Variants in IQGAP3 observed in about 807,000 individuals in gnomAD.
IQGAP3 encodes the protein ras GTPase-activating-like protein IQGAP3.
In IQGAP3, 165 loss-of-function variants were observed where a neutral mutation model predicts 208.2. The ratio of observed to expected loss-of-function variants is 0.79; its 90% CI spans 0.70 to 0.90. The LOEUF (loss-of-function observed/expected upper bound fraction) is 0.90, where lower values mean the gene tolerates loss of function less well. Among genes scored for constraint, IQGAP3 ranks in the 40% least tolerant of loss-of-function variants. The probability of loss-of-function intolerance (pLI) is 0.00; values close to 1 mark genes in which losing one functional copy is unlikely to be tolerated. For missense variants in IQGAP3, 1,811 were observed against 2,043.1 expected (o/e 0.89, Z 2.19); for synonymous variants, 703 against 803.6 (o/e 0.87, Z 2.12).
At chr1:156,535,317 G>C (rs1347828327) in intron 27 of IQGAP3, 70 bp from the exon 28 acceptor site, 7 of 1,108,898 alleles carry the variant, frequency 6.3e-6, no homozygotes, top group African/African-American at 1.6e-5. Flanking sequence ...ATAAGAGCTT[G>C]AGTGCCTGGC....
At chr1:156,536,421 G>C (rs1674686686) in intron 27 of IQGAP3, among the ~76,000 whole-genome samples, 1 of 152,124 alleles carries the variant, frequency 6.6e-6, no homozygotes, top group African/African-American at 2.4e-5. Context: ...ATCTTAAAAA[G>C]GTGATTTCAC....
At position 156,569,269 on chromosome 1, in the gene IQGAP3, CACA is replaced by C. The variant is rs1248766184; in HGVS notation, c.125+104_125+106del. 1.3e-5 allele frequency: 9 copies of C among 688,118 alleles called. No homozygotes were observed. The Admixed American group carries it at 2.5e-4, about 19-fold the overall frequency. The allele number at this position is 688,118 out of a possible 1,614,324, so 42.6% of individuals were successfully genotyped here. A position where few individuals can be genotyped will look rare whatever the true frequency, so the allele number is the denominator to read the frequency against. Reference sequence around the variant, plus strand: ...AAAGCTATTTCAACTCGCCCTTTCCCACAGGATGGACTCTCGATCTGTTGCATT... The same window carrying C: ...AAAGCTATTTCAACTCGCCCTTTCCCGGATGGACTCTCGATCTGTTGCATT... On this transcript the variant is annotated intron_variant, in intron 2 of 37. Transcript: ENST00000361170.
chr1:156,550,386 C>T, intron 15 of IQGAP3, 35 bp from the exon 16 acceptor site: 1 of 1,512,084 alleles, frequency 6.6e-7, no homozygotes, highest in Non-Finnish European at 9.2e-7. Context: ...AGATGTGACC[C>T]CAAGCTAGTC....
At chr1:156,531,044 G>A in intron 33 of IQGAP3, 116 bp downstream of exon 33, 4 of 770,748 alleles carry the variant, frequency 5.2e-6, no homozygotes, top group Non-Finnish European at 9.4e-6. Flanking sequence ...GGTGAGCACA[G>A]GTGTCTGCTT....
Position 156,540,704 on chromosome 1 carries a change from A to G in IQGAP3, c.2739+4T>C, listed in dbSNP as rs1453417820. The G allele has an allele frequency of 3.7e-6, 6 of 1,613,108 alleles. No individual in the cohort carries two copies. Among genetic ancestry groups the G allele is most frequent in the Non-Finnish European group, 5.1e-6 (6 of 1,179,436 alleles). ...GGGGAGGGGAGGACTGGTGGGCCCC[A>G]TACCTGCAGAGTGATCCGGTTCTTC... On this transcript the variant is annotated splice_donor_region_variant and intron_variant, in intron 23 of 37. Transcript: ENST00000361170.
At chr1:156,556,190 G>T (rs2102420021) in intron 12 of IQGAP3, among the ~76,000 whole-genome samples, 1 of 152,328 alleles carries the variant, frequency 6.6e-6, no homozygotes, top group African/African-American at 2.4e-5. Context: ...GTGGGACAGT[G>T]AAGTGCTTCA....
chr1:156,528,815 G>T, intron 35 of IQGAP3, 101 bp downstream of exon 35: 1 of 1,389,730 alleles, frequency 7.2e-7, no homozygotes, highest in Non-Finnish European at 1.0e-6. Flanking sequence ...TGTGCTGGGT[G>T]AGATTCCCCT....
chr1:156,553,581 T>TTTC (rs1491511600), intron 13 of IQGAP3, among the ~76,000 whole-genome samples: 7 of 5,116 alleles, frequency 1.4e-3, no homozygotes, highest in South Asian at 0.042. Context: ...TCTTTCTTTC[T>TTTC]TTTTTTTTTT....
In IQGAP3 at chr1:156,565,687, C is replaced by T. The variant is rs550320199; in HGVS notation, c.360+340G>A. Among the ~76,000 whole-genome samples the T allele has an allele frequency of 4.6e-5, 7 of 152,262 alleles. No homozygotes were observed. The East Asian group carries it at 1.4e-3, about 29-fold the overall frequency. On this transcript the variant is annotated intron_variant, in intron 4 of 37. Transcript: ENST00000361170. ...AGGCTTCTAACTCAAAGTCTGCCAC[C>T]TAGGGATGTGTATACCCTTGCTTCA... is the stretch of plus-strand genomic sequence containing the variant.
chr1:156,548,036 C>T lies in IQGAP3; in HGVS notation c.2304+37G>A, dbSNP rs780050967. 1.9e-6 allele frequency: 3 copies of T among 1,590,492 alleles called. No homozygotes were observed. In the South Asian group the frequency reaches 3.4e-5, roughly 18 times the overall value. The stretch of plus-strand genomic sequence containing the variant: ...TGGATACCCTGGAGCCCAGATAAGC[C>T]CAGGCCCTGAAGACTGAGAAAGCCA... On this transcript the variant is annotated intron_variant, in intron 19 of 37. Coordinates refer to ENST00000361170, the MANE Select transcript of IQGAP3 (RefSeq NM_178229.5).
At chr1:156,526,901 CG>C (rs1352563881) in intron 37 of IQGAP3, among the ~76,000 whole-genome samples, 1 of 152,014 alleles carries the variant, frequency 6.6e-6, no homozygotes, top group Non-Finnish European at 1.5e-5. Context: ...GGCGCGATCT[CG>C]GATCGCTGCA....
At chr1:156,533,454 A>G (rs138525761) in intron 31 of IQGAP3, among the ~76,000 whole-genome samples, 1 of 152,076 alleles carries the variant, frequency 6.6e-6, no homozygotes, top group Admixed American at 6.5e-5. Flanking sequence ...CCTCCCAGTA[A>G]GTTGGCTTCC....
At position 156,525,958 on chromosome 1, in the gene IQGAP3, T is replaced by TC; in HGVS notation, c.*527dup. ...CACATGGGCACTAACACACACTGCA[T>TC]CCCCCCAGTCCCTGCCCAGGTTGGA... On this transcript the variant is annotated 3_prime_UTR_variant, in exon 38 of 38. Transcript: ENST00000361170. The TC allele has an allele frequency of 6.3e-6, 1 of 158,016 alleles. No homozygotes were observed. 9.8% of individuals were successfully genotyped at this position (158,016 alleles called of 1,614,324 possible).
At chr1:156,529,256 C>T (rs1436758453) in intron 34 of IQGAP3, among the ~76,000 whole-genome samples, 174 bp from the exon 35 acceptor site, 1 of 152,230 alleles carries the variant, frequency 6.6e-6, no homozygotes, top group African/African-American at 2.4e-5. Flanking sequence ...CAAGGCATGT[C>T]CTCAGGGCCT....
chr1:156,565,192 C>A (rs571264664), intron 4 of IQGAP3, among the ~76,000 whole-genome samples: 5 of 152,270 alleles, frequency 3.3e-5, no homozygotes, highest in Admixed American at 6.5e-5. Flanking sequence ...TCCAAGCCAG[C>A]GGCTTCTGAT....
rs200820791 is a variant in IQGAP3, at chr1:156,544,179, C to T, written c.2433G>A (p.Leu811=). Reference sequence around the variant, plus strand: ...TCTTCTGGAAGTAGTGCAGACGCCTCAGGTATTGCCTCCGAGCTGCCCACA... The same window carrying T: ...TCTTCTGGAAGTAGTGCAGACGCCTTAGGTATTGCCTCCGAGCTGCCCACA... ...ARMWAARRQY[L]RRLHYFQKNV... Residue 811 remains leucine, a synonymous_variant, in exon 21 of 38, where the codon CTG becomes CTA. Transcript: ENST00000361170. 5.9e-5 allele frequency: 96 copies of T among 1,614,092 alleles called. No individual in the cohort carries two copies. Among genetic ancestry groups the T allele is most frequent in the Admixed American group, 1.8e-4 (11 of 60,004 alleles).
At position 156,537,191 on chromosome 1, in the gene IQGAP3, C is replaced by A; in HGVS notation, c.3412G>T (p.Asp1138Tyr). 6.2e-7 allele frequency: 1 copy of A among 1,613,338 alleles called. No individual in the cohort carries two copies. Among genetic ancestry groups the A allele is most frequent in the Non-Finnish European group, 8.5e-7 (1 of 1,179,630 alleles). Residue 1138 changes from aspartate (D) to tyrosine (Y), a missense_variant, in exon 27 of 38, where the codon GAC becomes TAC. Coordinates refer to ENST00000361170, the MANE Select transcript of IQGAP3 (RefSeq NM_178229.5). ...GGCTGTTGCACATACGGAATTTGGT[C>A]CACAGATGAGGTGATGGCTAAAAGG... The part of the protein sequence containing the change: ...KFLLAITSSV[D>Y]QIPYGMRYVA...
Position 156,548,628 on chromosome 1 carries a change from C to T in IQGAP3, c.1946G>A (p.Gly649Asp), listed in dbSNP as rs1187103159. The T allele has an allele frequency of 6.2e-7, 1 of 1,610,568 alleles. No individual in the cohort carries two copies. Among genetic ancestry groups the T allele is most frequent in the South Asian group, 1.1e-5 (1 of 90,662 alleles). The change falls in exon 17 of 38, where the codon GGC becomes GAC. Residue 649 changes from glycine (G) to aspartate (D), a missense_variant. Coordinates refer to ENST00000361170, the MANE Select transcript of IQGAP3 (RefSeq NM_178229.5). ...GGCACTTTCCAGGGCTCGCTGGTAG[C>T]CGTTGGCACAGTCGGGAACTACCCC... is the stretch of plus-strand genomic sequence containing the variant. The part of the protein sequence containing the change: ...LRGVVPDCAN[G>D]YQRALESAMA...
At position 156,526,449 on chromosome 1, in the gene IQGAP3, G is replaced by A; in HGVS notation, c.*37C>T. 7.8e-7 allele frequency: 1 copy of A among 1,287,182 alleles called. No homozygotes were observed. Among genetic ancestry groups the A allele is most frequent in the South Asian group, 1.2e-5 (1 of 84,082 alleles). 79.7% of individuals were successfully genotyped at this position (1,287,182 alleles called of 1,614,324 possible). ...GTTAGTGTTAAAGAAAGCATCCAGA[G>A]AGGTAAGAGGGGCTTGGGTAGCACC... On this transcript the variant is annotated 3_prime_UTR_variant, in exon 38 of 38. Coordinates refer to ENST00000361170, the MANE Select transcript of IQGAP3 (RefSeq NM_178229.5).
Sources: gnomAD v4.1 joint callset for allele counts (sites outside exome capture counted in the v4.1 genomes callset) on GRCh38, gnomAD v4.1.1 for gene constraint, MANE v1.5 for transcripts, NCBI Gene and HGNC (gene_info 2026-07-23, HGNC 2026-07-21) for gene names.